WDR64: variants seen among roughly 807,000 people sequenced by gnomAD.
WDR64 encodes the protein WD repeat-containing protein 64.
Under a neutral mutation model 139.3 loss-of-function variants are expected in WDR64, and 112 were observed. That is an observed-to-expected ratio of 0.80 (90% CI 0.69 to 0.94). The LOEUF (loss-of-function observed/expected upper bound fraction) is 0.94, where lower values mean the gene tolerates loss of function less well. Among genes scored for constraint, WDR64 ranks in the 40% least tolerant of loss-of-function variants. The probability of loss-of-function intolerance (pLI) is 0.00; values close to 1 mark genes in which losing one functional copy is unlikely to be tolerated. For missense variants in WDR64, 1,206 were observed against 1,293.1 expected, an observed-to-expected ratio of 0.93 and a Z score of 1.03; for synonymous variants, 444 against 437.7, an observed-to-expected ratio of 1.01 and a Z score of -0.18.
At chr1:241,657,886 A>T (rs1665672010) in intron 1 of WDR64, among the ~76,000 whole-genome samples, 1 of 152,194 alleles carries the variant, frequency 6.6e-6, no homozygotes, top group East Asian at 1.9e-4. Flanking sequence ...CAAGACAGGG[A>T]ACATTTCTAG....
At chr1:241,716,382 T>C (rs1668404673) in intron 9 of WDR64, among the ~76,000 whole-genome samples, 1 of 152,112 alleles carries the variant, frequency 6.6e-6, no homozygotes, top group Non-Finnish European at 1.5e-5. Flanking sequence ...ATATTTTTGC[T>C]GAACAGTGTT....
chr1:241,737,105 C>A (rs1669358503), intron 10 of WDR64, among the ~76,000 whole-genome samples: 2 of 152,174 alleles, frequency 1.3e-5, no homozygotes, highest in South Asian at 4.1e-4. Context: ...TTCATATAAT[C>A]CATTATACTT....
Position 241,770,606 on chromosome 1 carries a change from C to T in WDR64, c.2184-15C>T. The T allele has an allele frequency of 6.5e-7, 1 of 1,548,764 alleles. No individual in the cohort carries two copies. Among genetic ancestry groups the T allele is most frequent in the African/African-American group, 1.4e-5 (1 of 72,966 alleles). On this transcript the variant is annotated splice_polypyrimidine_tract_variant and intron_variant, in intron 17 of 27. Transcript: ENST00000437684. ...CTTAAAGTTTTACCTGTGGGCTTCC[C>T]CACTCCCCTTATAGGAGATCAAGTC... is the stretch of plus-strand genomic sequence containing the variant.
chr1:241,738,748 A>G (rs1485276835), intron 11 of WDR64, among the ~76,000 whole-genome samples: 1 of 152,200 alleles, frequency 6.6e-6, no homozygotes, highest in African/African-American at 2.4e-5. Flanking sequence ...CTAGGAAGAA[A>G]GTTCTATTTG....
chr1:241,771,945 C>CATATATATAT (rs57383177), intron 19 of WDR64, among the ~76,000 whole-genome samples: 112 of 62,292 alleles, frequency 1.8e-3, no homozygotes, highest in East Asian at 4.7e-3. Flanking sequence ...TACATACATA[C>CATATATATAT]ATATATATAT....
Position 241,773,006 on chromosome 1 carries a change from T to G in WDR64, c.2430+75T>G. On this transcript the variant is annotated intron_variant, in intron 20 of 27. Coordinates refer to ENST00000437684, the MANE Select transcript of WDR64 (RefSeq NM_001367482.1). The stretch of plus-strand genomic sequence containing the variant: ...AAGAATCATTAAATGAATCTTAGTG[T>G]TCTTCCATATGGCATCCAATTATAA... The G allele has an allele frequency of 2.8e-6, 4 of 1,453,078 alleles. No homozygotes were observed. The South Asian group carries it at 5.7e-5, about 21-fold the overall frequency. 90.0% of individuals were successfully genotyped at this position (1,453,078 alleles called of 1,614,324 possible). A position where few individuals can be genotyped will look rare whatever the true frequency, so the allele number is the denominator to read the frequency against.
Position 241,773,383 on chromosome 1 carries a change from AG to A in WDR64, c.2430+454del, listed in dbSNP as rs1189555945. Among the ~76,000 whole-genome samples, 6 of 152,344 alleles carry A rather than the reference AG, an allele frequency of 3.9e-5. No homozygotes were observed. In the East Asian group the frequency reaches 7.7e-4, roughly 20 times the overall value. On this transcript the variant is annotated intron_variant, in intron 20 of 27. Transcript: ENST00000437684. ...CTTATGTCCCTAATAGAAGCAGGAA[AG>A]GTGAATCCGGCATGAAGATTTACTA...
intron 10 of WDR64, among the ~76,000 whole-genome samples, chr1:241,726,949 C>A (rs1175251716): frequency 6.6e-6 from 1 of 151,696 alleles, no homozygotes; most frequent in Non-Finnish European, 1.5e-5. Flanking sequence ...TGCAATGGCA[C>A]CATCTCAGCT....
chr1:241,784,709 A>G (rs1037370003), intron 23 of WDR64, among the ~76,000 whole-genome samples: 2 of 152,004 alleles, frequency 1.3e-5, no homozygotes, highest in African/African-American at 4.8e-5. Context: ...TAATCCCAGC[A>G]CTTTGGGAGG....
At chr1:241,653,106 A>T (rs1335400303) in intron 1 of WDR64, among the ~76,000 whole-genome samples, 2 of 152,228 alleles carry the variant, frequency 1.3e-5, no homozygotes, top group Non-Finnish European at 2.9e-5. Flanking sequence ...GATCTTGAGG[A>T]TGCAAGCTAA....
At chr1:241,741,400 T>G in intron 11 of WDR64, 116 bp from the exon 12 acceptor site, 1 of 754,996 alleles carries the variant, frequency 1.3e-6, no homozygotes, top group Non-Finnish European at 2.0e-6. Context: ...TAGGCATTGA[T>G]TGATATTGCT....
chr1:241,763,629 T>A (rs1206446727), intron 15 of WDR64, among the ~76,000 whole-genome samples: 1 of 152,158 alleles, frequency 6.6e-6, no homozygotes, highest in African/African-American at 2.4e-5. Flanking sequence ...CACTTGAACC[T>A]GGAAGGTGGA....
At chr1:241,713,718 CG>C (rs981288108) in intron 9 of WDR64, among the ~76,000 whole-genome samples, 2 of 151,852 alleles carry the variant, frequency 1.3e-5, no homozygotes, top group African/African-American at 4.8e-5. Flanking sequence ...ATGAAATTTG[CG>C]ATTCTAGTTA....
chr1:241,708,840 T>C (rs2148167099), intron 8 of WDR64, among the ~76,000 whole-genome samples: 1 of 151,994 alleles, frequency 6.6e-6, no homozygotes, highest in East Asian at 1.9e-4. Context: ...GCACCCAGCC[T>C]AGGAATTTCT....
chr1:241,694,985 A>G (rs1338080686), intron 8 of WDR64, among the ~76,000 whole-genome samples: 1 of 152,204 alleles, frequency 6.6e-6, no homozygotes, highest in Non-Finnish European at 1.5e-5. Flanking sequence ...ATACAGACAT[A>G]AAGTCAGTGG....
rs1574085727 is a variant in WDR64 at position 241,771,753 on chromosome 1, C to T, written c.2290+56C>T. ...ATAAAGCAACTCCTTTGCAAGAGGGCATTTAGGTGACAGAGTATTCTTAAT... is the reference window on the plus strand; with the variant it reads ...ATAAAGCAACTCCTTTGCAAGAGGGTATTTAGGTGACAGAGTATTCTTAAT... On this transcript the variant is annotated intron_variant, in intron 19 of 27. Coordinates refer to ENST00000437684, the MANE Select transcript of WDR64 (RefSeq NM_001367482.1). 4 of 1,203,352 alleles carry T rather than the reference C, an allele frequency of 3.3e-6. No individual in the cohort carries two copies. The East Asian group carries it at 1.2e-4, about 36-fold the overall frequency. The allele number at this position is 1,203,352 out of a possible 1,614,324, so 74.5% of individuals were successfully genotyped here.
At chr1:241,736,013 GT>G (rs1383161890) in intron 10 of WDR64, among the ~76,000 whole-genome samples, 3 of 151,980 alleles carry the variant, frequency 2.0e-5, no homozygotes, top group Admixed American at 2.0e-4. Context: ...AAAAAGTGAT[GT>G]GCCCTACCCT....
chr1:241,752,948 G>A (rs1418285134), intron 14 of WDR64, among the ~76,000 whole-genome samples: 1 of 152,126 alleles, frequency 6.6e-6, no homozygotes, highest in Non-Finnish European at 1.5e-5. Context: ...GTCAATATCT[G>A]GTCACTCTTG....
At chr1:241,761,118 T>C (rs1657868251) in intron 15 of WDR64, among the ~76,000 whole-genome samples, 1 of 152,184 alleles carries the variant, frequency 6.6e-6, no homozygotes, top group Non-Finnish European at 1.5e-5. Flanking sequence ...GCCAGCAGTG[T>C]ATATTATAGT....
Sources: gnomAD v4.1 joint callset for allele counts (sites outside exome capture counted in the v4.1 genomes callset) on GRCh38, gnomAD v4.1.1 for gene constraint, MANE v1.5 for transcripts, NCBI Gene and HGNC (gene_info 2026-07-23, HGNC 2026-07-21) for gene names.